BFSP2: variants seen among roughly 807,000 people sequenced by gnomAD.
BFSP2 encodes the protein beaded filament structural protein 2.
In BFSP2, 38 loss-of-function variants were observed where a neutral mutation model predicts 44.9. The ratio of observed to expected loss-of-function variants is 0.85; its 90% confidence interval spans 0.65 to 1.11. The LOEUF is 1.11. Among genes scored for constraint, BFSP2 ranks in the 50% least tolerant of loss-of-function variants. BFSP2 has a pLI of 0.00. For missense variants in BFSP2, 525 were observed against 533.0 expected (o/e 0.99, Z 0.15); for synonymous variants, 197 against 209.9 (o/e 0.94, Z 0.53).
chr3:133,415,910 C>A (rs1223306319), intron 1 of BFSP2, among the ~76,000 whole-genome samples: 1 of 135,302 alleles, frequency 7.4e-6, no homozygotes, highest in Non-Finnish European at 1.6e-5. Context: ...CTCCCCTCTA[C>A]TCACCTCTGT....
At chr3:133,414,330 T>C (rs1486362685) in intron 1 of BFSP2, among the ~76,000 whole-genome samples, 95 of 27,000 alleles carry the variant, frequency 3.5e-3, no homozygotes, top group South Asian at 4.7e-3. Context: ...TCACCCCTGC[T>C]CTCTCCCCTC....
chr3:133,409,902 G>A (rs1461183617), intron 1 of BFSP2: 2 of 154,904 alleles, frequency 1.3e-5, no homozygotes, highest in East Asian at 3.8e-4. Flanking sequence ...CTGCCATAAG[G>A]ATGGACACCA....
intron 1 of BFSP2, among the ~76,000 whole-genome samples, chr3:133,408,413 T>A (rs1347410030): frequency 6.6e-6 from 1 of 152,210 alleles, no homozygotes; most frequent in Non-Finnish European, 1.5e-5. Context: ...TTGATGGGAA[T>A]AGAAAATGTT....
rs530343622 is a variant in BFSP2, at chr3:133,436,704, C to T, written c.490-10613C>T. On this transcript the variant is annotated intron_variant, in intron 1 of 6. Coordinates refer to ENST00000302334, the MANE Select transcript of BFSP2 (RefSeq NM_003571.4). ...ATGTGCCATGTTGGTGTGCTGCACC[C>T]ATTAACTTGTCATTTACATTAGGTA... Among the ~76,000 whole-genome samples the T allele has an allele frequency of 1.9e-3, 282 of 152,278 alleles. 1 individual carries two copies. The highest frequency in any genetic ancestry group is 6.1e-3 in the African/African-American group (252 of 41,538).
intron 1 of BFSP2, among the ~76,000 whole-genome samples, chr3:133,403,406 T>C (rs1350710535): frequency 1.3e-5 from 2 of 152,132 alleles, no homozygotes; most frequent in African/African-American, 4.8e-5. Context: ...CTCAGTTCCA[T>C]GGCAACCCTC....
chr3:133,423,670 G>T (rs1226428588), intron 1 of BFSP2, among the ~76,000 whole-genome samples: 1 of 152,090 alleles, frequency 6.6e-6, no homozygotes, highest in Non-Finnish European at 1.5e-5. Flanking sequence ...TGGCCTGCAG[G>T]CCAAATCAGA....
intron 5 of BFSP2, among the ~76,000 whole-genome samples, chr3:133,470,416 T>G (rs2074151564): frequency 6.6e-6 from 1 of 152,236 alleles, no homozygotes; most frequent in African/African-American, 2.4e-5. Context: ...GCATCAAAAT[T>G]TAATTCAATC....
chr3:133,448,443 T>TC (rs1233607169), intron 2 of BFSP2, 46 bp from the exon 3 acceptor site: 1 of 1,608,860 alleles, frequency 6.2e-7, no homozygotes, highest in African/African-American at 1.3e-5. Flanking sequence ...TGATTCTTTT[T>TC]CTTTTGGGCT....
chr3:133,461,017 A>C (rs2107935772), intron 4 of BFSP2, among the ~76,000 whole-genome samples: 1 of 152,334 alleles, frequency 6.6e-6, no homozygotes, highest in East Asian at 1.9e-4. Context: ...AAGACCAGGA[A>C]GTATCAACAT....
At chr3:133,428,950 C>G (rs2107902321) in intron 1 of BFSP2, among the ~76,000 whole-genome samples, 1 of 152,236 alleles carries the variant, frequency 6.6e-6, no homozygotes, top group East Asian at 1.9e-4. Context: ...TCATTCTGTT[C>G]TTAATTATGA....
In BFSP2 at chr3:133,475,063, T is replaced by G; in HGVS notation, c.*91T>G. On this transcript the variant is annotated 3_prime_UTR_variant, in exon 7 of 7. Transcript: ENST00000302334. ...TGAGGAGCTTTCTCCTGAGCTCCAG[T>G]CCCTGCTGGATTCCCTGGTTAATTC... 1 of 1,516,888 alleles carries G rather than the reference T, an allele frequency of 6.6e-7. No homozygotes were observed. The highest frequency in any genetic ancestry group is 9.2e-7 in the Non-Finnish European group (1 of 1,091,658). 94.0% of individuals were successfully genotyped at this position (1,516,888 alleles called of 1,614,324 possible). A position where few individuals can be genotyped will look rare whatever the true frequency, so the allele number is the denominator to read the frequency against.
Position 133,472,258 on chromosome 3 carries a change from C to T in BFSP2, c.1024-87C>T, listed in dbSNP as rs538751574. On this transcript the variant is annotated intron_variant, in intron 5 of 6. Transcript: ENST00000302334. ...ACGAGGGGAATAGTCCAGGCTACCA[C>T]CAGCCCCTGCCACTGCTCTGCACAC... is the stretch of plus-strand genomic sequence containing the variant. 1.8e-4 allele frequency: 259 copies of T among 1,423,868 alleles called. No homozygotes were observed. The South Asian group carries it at 3.0e-3, about 16-fold the overall frequency. The allele number at this position is 1,423,868 out of a possible 1,614,324, so 88.2% of individuals were successfully genotyped here.
chr3:133,437,031 G>C (rs978134728), intron 1 of BFSP2, among the ~76,000 whole-genome samples: 2 of 152,168 alleles, frequency 1.3e-5, no homozygotes, highest in Non-Finnish European at 2.9e-5. Context: ...TTGGTTCCAA[G>C]TCTTTGCTAT....
At chr3:133,455,168 G>C (rs939255468) in intron 4 of BFSP2, among the ~76,000 whole-genome samples, 10 of 152,214 alleles carry the variant, frequency 6.6e-5, no homozygotes, top group African/African-American at 2.4e-4. Flanking sequence ...AAAAAGTATA[G>C]ATACAGTAAA....
In BFSP2 at chr3:133,439,429, C is replaced by T. The variant is rs369214387; in HGVS notation, c.490-7888C>T. Among the ~76,000 whole-genome samples, 24 of 152,364 alleles carry T rather than the reference C, an allele frequency of 1.6e-4. 2 individuals carry two copies. The highest frequency in any genetic ancestry group is 1.5e-3 in the East Asian group (8 of 5,186). On this transcript the variant is annotated intron_variant, in intron 1 of 6. Transcript: ENST00000302334. ...GTGCTAAGGAAGCAGAGATGAGAGA[C>T]TGTCCCTGATCCAAGGTCACACAAA...
chr3:133,434,428 A>G (rs952714171), intron 1 of BFSP2, among the ~76,000 whole-genome samples: 14 of 152,094 alleles, frequency 9.2e-5, no homozygotes, highest in Non-Finnish European at 1.5e-4. Flanking sequence ...AGCAGCCCTG[A>G]GAAACATCGC....
intron 4 of BFSP2, among the ~76,000 whole-genome samples, chr3:133,459,546 G>C (rs1404049295): frequency 6.6e-6 from 1 of 152,196 alleles, no homozygotes; most frequent in Admixed American, 6.5e-5. Context: ...AGCTTCAATA[G>C]CTGGGCAGTT....
intron 5 of BFSP2, among the ~76,000 whole-genome samples, chr3:133,467,645 A>C (rs2074124766): frequency 6.6e-6 from 1 of 152,196 alleles, no homozygotes; most frequent in Non-Finnish European, 1.5e-5. Context: ...TAAAATAATA[A>C]AATGTATTAA....
intron 4 of BFSP2, among the ~76,000 whole-genome samples, chr3:133,463,219 G>T (rs1052374625): frequency 6.6e-6 from 1 of 152,180 alleles, no homozygotes; most frequent in Non-Finnish European, 1.5e-5. Context: ...TGAGGCAGGA[G>T]AATTGCTTGA....
Sources: gnomAD v4.1 joint callset for allele counts (sites outside exome capture counted in the v4.1 genomes callset) on GRCh38, gnomAD v4.1.1 for gene constraint, MANE v1.5 for transcripts, NCBI Gene and HGNC (gene_info 2026-07-23, HGNC 2026-07-21) for gene names.